KCNH1: variants seen among roughly 807,000 people sequenced by gnomAD.
The protein encoded by KCNH1 is potassium voltage-gated channel subfamily H member 1.
KCNH1 carries 27 observed loss-of-function variants against 69.2 expected under a neutral mutation model. The ratio of observed to expected loss-of-function variants is 0.39; its 90% CI spans 0.29 to 0.54. The LOEUF is 0.54. Ranked by LOEUF, KCNH1 falls within the 20% of genes least tolerant of loss-of-function variation. The pLI is 0.68. For missense variants in KCNH1, 798 were observed against 1,261.6 expected (o/e 0.63, Z 5.57); for synonymous variants, 456 against 487.7 (o/e 0.93, Z 0.86).
At chr1:210,907,783 T>C (rs1687146272) in intron 7 of KCNH1, among the ~76,000 whole-genome samples, 1 of 152,110 alleles carries the variant, frequency 6.6e-6, no homozygotes, top group African/African-American at 2.4e-5. Context: ...GTGGTATGTG[T>C]CAGTAGTGGC....
In KCNH1 at chr1:210,694,255, G is replaced by GAC. The variant is rs537310674; in HGVS notation, c.2113-10119_2113-10118dup. On this transcript the variant is annotated intron_variant, in intron 10 of 10. Coordinates refer to ENST00000271751, the MANE Select transcript of KCNH1 (RefSeq NM_172362.3). ...ACATATTTCATTCTCATGTTTTGAGGACACACACACACGCTCAGCAAACAA... is the reference window on the plus strand; with the variant it reads ...ACATATTTCATTCTCATGTTTTGAGGACACACACACACACGCTCAGCAAACAA... Among the ~76,000 whole-genome samples the GAC allele has an allele frequency of 1.0e-3, 152 of 151,954 alleles. 2 individuals are homozygous for GAC. Among genetic ancestry groups the GAC allele is most frequent in the Admixed American group, 4.0e-3 (61 of 15,260 alleles).
Position 210,690,094 on chromosome 1 carries a change from G to T in KCNH1, c.2113-5956C>A, listed in dbSNP as rs138194899. On this transcript the variant is annotated intron_variant, in intron 10 of 10. Transcript: ENST00000271751. ...CTAGGTGCTGCCTGGGATTGGAGTG[G>T]GGGATGACCCTGGTGAGTCTCTCCC... 3.2e-3 allele frequency among the ~76,000 whole-genome samples: 480 copies of T among 152,304 alleles called. 2 individuals carry two copies. The highest frequency in any genetic ancestry group is 0.011 in the African/African-American group (460 of 41,562).
chr1:210,860,921 C>G, intron 7 of KCNH1: 1 of 944,170 alleles, frequency 1.1e-6, no homozygotes, highest in South Asian at 1.3e-5. Flanking sequence ...AACATGTATT[C>G]CATCTGATCA....
chr1:210,698,938 CTTCCTACCT>C (rs1681708964), intron 10 of KCNH1, among the ~76,000 whole-genome samples: 2 of 152,232 alleles, frequency 1.3e-5, no homozygotes, highest in African/African-American at 4.8e-5. Context: ...AGAGAACGGA[CTTCCTACCT>C]TTATTTGAAA....
At chr1:210,951,970 T>C (rs1306880879) in intron 6 of KCNH1, among the ~76,000 whole-genome samples, 1 of 152,158 alleles carries the variant, frequency 6.6e-6, no homozygotes, top group Admixed American at 6.5e-5. Flanking sequence ...GTTATCTCTC[T>C]ACCTTGTAGC....
intron 7 of KCNH1, among the ~76,000 whole-genome samples, chr1:210,805,240 C>G (rs1404699323): frequency 1.3e-5 from 2 of 152,184 alleles, no homozygotes; most frequent in African/African-American, 4.8e-5. Context: ...TAACACTATA[C>G]CAGTACTTAA....
chr1:210,902,665 G>A (rs1030061670), intron 7 of KCNH1, among the ~76,000 whole-genome samples: 3 of 152,112 alleles, frequency 2.0e-5, no homozygotes, highest in Non-Finnish European at 2.9e-5. Flanking sequence ...AAGGAAGCCC[G>A]TGGTGAAGTG....
intron 6 of KCNH1, 21 bp from the exon 7 acceptor site, chr1:210,920,090 C>T (rs374232349): frequency 1.3e-5 from 21 of 1,603,554 alleles, no homozygotes; most frequent in African/African-American, 2.7e-5. Flanking sequence ...AGGAACACAG[C>T]GTCAGGGCCA....
At position 210,984,913 on chromosome 1, in the gene KCNH1, G is replaced by A. The variant is rs551598777; in HGVS notation, c.1032+33870C>T. Reference sequence around the variant, plus strand: ...AATTCAGCTGTGAACCCATCTGGTCGTGGACTTTTTTTGGTTGGTAAGCTA... The same window carrying A: ...AATTCAGCTGTGAACCCATCTGGTCATGGACTTTTTTTGGTTGGTAAGCTA... On this transcript the variant is annotated intron_variant, in intron 6 of 10. Transcript: ENST00000271751. Among the ~76,000 whole-genome samples, 7 of 152,126 alleles carry A rather than the reference G, an allele frequency of 4.6e-5. No homozygotes were observed. In the East Asian group the frequency reaches 5.8e-4, roughly 13 times the overall value.
chr1:210,713,236 C>G (rs956515003), intron 10 of KCNH1, among the ~76,000 whole-genome samples: 3 of 152,100 alleles, frequency 2.0e-5, no homozygotes, highest in African/African-American at 7.2e-5. Flanking sequence ...GAGATATAGC[C>G]AAGTACCGAC....
intron 10 of KCNH1, among the ~76,000 whole-genome samples, chr1:210,715,573 A>C (rs942771579): frequency 4.6e-5 from 7 of 152,182 alleles, no homozygotes; most frequent in East Asian, 1.9e-4. Context: ...TTGCATTACT[A>C]ATCTTTCATA....
At chr1:211,064,599 C>G (rs550300990) in intron 5 of KCNH1, among the ~76,000 whole-genome samples, 3 of 152,002 alleles carry the variant, frequency 2.0e-5, no homozygotes, top group African/African-American at 7.2e-5. Flanking sequence ...TAAAATAATA[C>G]AGTATGACCA....
At chr1:211,048,680 T>C (rs780095974) in intron 5 of KCNH1, among the ~76,000 whole-genome samples, 14 of 152,058 alleles carry the variant, frequency 9.2e-5, no homozygotes, top group Non-Finnish European at 1.5e-4. Flanking sequence ...ACATTGGACT[T>C]TGGGGACAAG....
chr1:211,086,097 A>G (rs1055655323), intron 4 of KCNH1, among the ~76,000 whole-genome samples: 1 of 152,228 alleles, frequency 6.6e-6, no homozygotes, highest in Admixed American at 6.5e-5. Flanking sequence ...CAGAGGCTCT[A>G]TCGCAGGTGT....
At chr1:210,715,766 G>A (rs528693690) in intron 10 of KCNH1, among the ~76,000 whole-genome samples, 1 of 152,100 alleles carries the variant, frequency 6.6e-6, no homozygotes, top group African/African-American at 2.4e-5. Context: ...CTTCTGTGGG[G>A]CCTGGAAGGG....
intron 7 of KCNH1, among the ~76,000 whole-genome samples, chr1:210,805,941 C>A (rs1380727916): frequency 6.6e-6 from 1 of 152,190 alleles, no homozygotes; most frequent in Non-Finnish European, 1.5e-5. Flanking sequence ...GAACACTACT[C>A]TATTGTGTGG....
intron 10 of KCNH1, among the ~76,000 whole-genome samples, chr1:210,742,053 C>T (rs1211328274): frequency 6.6e-6 from 1 of 152,162 alleles, no homozygotes; most frequent in African/African-American, 2.4e-5. Flanking sequence ...CAGGAAGTCA[C>T]CTGCTGGAGC....
intron 6 of KCNH1, among the ~76,000 whole-genome samples, chr1:210,977,851 A>G (rs776524464): frequency 6.6e-6 from 1 of 152,172 alleles, no homozygotes; most frequent in Non-Finnish European, 1.5e-5. Flanking sequence ...TACAATGTGT[A>G]ATGATCAAAT....
intron 10 of KCNH1, among the ~76,000 whole-genome samples, chr1:210,772,574 C>T (rs1294740246): frequency 6.6e-6 from 1 of 151,514 alleles, no homozygotes; most frequent in Non-Finnish European, 1.5e-5. Flanking sequence ...TAAACTTCCT[C>T]TGGATCCATA....
Sources: gnomAD v4.1 joint callset for allele counts (sites outside exome capture counted in the v4.1 genomes callset) on GRCh38, gnomAD v4.1.1 for gene constraint, MANE v1.5 for transcripts, NCBI Gene and HGNC (gene_info 2026-07-23, HGNC 2026-07-21) for gene names.